Variants in TAB1 observed in about 807,000 individuals in gnomAD.
TAB1 encodes the protein TGF-beta activated kinase 1 (MAP3K7) binding protein 1, also known as TGF-beta-activated kinase 1 and MAP3K7-binding protein 1.
Under a neutral mutation model 54.5 loss-of-function variants are expected in TAB1, and 30 were observed. That is an observed-to-expected ratio of 0.55 (90% CI 0.41 to 0.75). TAB1 has a LOEUF of 0.75. Ranked by LOEUF, TAB1 falls within the 30% of genes least tolerant of loss-of-function variation. TAB1 has a pLI of 0.00. For missense variants in TAB1, 609 were observed against 683.2 expected, an observed-to-expected ratio of 0.89 and a Z score of 1.21; for synonymous variants, 289 against 286.9, an observed-to-expected ratio of 1.01 and a Z score of -0.07.
intron 1 of TAB1, among the ~76,000 whole-genome samples, chr22:39,402,491 AC>A (rs1228679351): frequency 1.3e-5 from 2 of 152,098 alleles, no homozygotes; most frequent in Non-Finnish European, 2.9e-5. Flanking sequence ...TTGGTAGATC[AC>A]TTGGTGGGAG....
chr22:39,408,088 A>G (rs970845738), intron 1 of TAB1, among the ~76,000 whole-genome samples: 18 of 152,368 alleles, frequency 1.2e-4, no homozygotes, highest in African/African-American at 3.8e-4. Context: ...ACTAGTGTCC[A>G]TACTTACTGA....
rs148041770 is a variant in TAB1, at chr22:39,426,654, C to A, written c.922-49C>A. 129 of 1,522,050 alleles carry A rather than the reference C, an allele frequency of 8.5e-5. 1 individual carries two copies. In the East Asian group the frequency reaches 2.9e-3, roughly 34 times the overall value. 94.3% of individuals were successfully genotyped at this position (1,522,050 alleles called of 1,614,324 possible). On this transcript the variant is annotated intron_variant, in intron 8 of 10. Coordinates refer to ENST00000216160, the MANE Select transcript of TAB1 (RefSeq NM_006116.3). ...GCTCCAAGATTATGGCCCATGCCCCCCAGGCCGCACCTCGTTCCTTACCAG... is the reference window on the plus strand; with the variant it reads ...GCTCCAAGATTATGGCCCATGCCCCACAGGCCGCACCTCGTTCCTTACCAG...
At position 39,430,041 on chromosome 22, in the gene TAB1, C is replaced by G; in HGVS notation, c.1334C>G (p.Ser445Cys). 1 of 1,613,840 alleles carries G rather than the reference C, an allele frequency of 6.2e-7. No individual in the cohort carries two copies. The highest frequency in any genetic ancestry group is 8.5e-7 in the Non-Finnish European group (1 of 1,180,038). ...TNQSPTLTLQ[S>C]TNTHTQSSSS... is the part of the protein sequence containing the mutation. ...CAAAGCCCGACCTTAACCCTGCAGTCCACCAACACGCACACGCAGAGCAGC... is the reference window on the plus strand; with the variant it reads ...CAAAGCCCGACCTTAACCCTGCAGTGCACCAACACGCACACGCAGAGCAGC... The change falls in exon 11 of 11, where the codon TCC becomes TGC. Residue 445 changes from serine (S) to cysteine (C), a missense_variant. Transcript: ENST00000216160.
downstream of TAB1, among the ~76,000 whole-genome samples, chr22:39,435,818 G>A (rs1006291203): frequency 6.6e-6 from 1 of 152,082 alleles, no homozygotes; most frequent in Non-Finnish European, 1.5e-5. Flanking sequence ...TAGGAGGTGG[G>A]GCTGACAGCC....
chr22:39,436,482 A>AT (rs773788030), downstream of TAB1: 5 of 1,612,148 alleles, frequency 3.1e-6, no homozygotes, highest in Non-Finnish European at 4.2e-6. Flanking sequence ...TTTCCTCCTG[A>AT]TTTTCAGAGA....
At chr22:39,433,111 G>A, downstream of TAB1, 12 of 985,306 alleles carry the variant, frequency 1.2e-5, no homozygotes, top group Non-Finnish European at 1.4e-5. Context: ...GGATCAGATG[G>A]AACCAGAGAA....
chr22:39,417,191 A>T (rs559132546), intron 4 of TAB1, among the ~76,000 whole-genome samples: 1 of 152,222 alleles, frequency 6.6e-6, no homozygotes, highest in East Asian at 1.9e-4. Flanking sequence ...TGCAGCGCTT[A>T]CCTCTGTGCT....
At chr22:39,403,484 A>G (rs1387010579) in intron 1 of TAB1, among the ~76,000 whole-genome samples, 2 of 152,090 alleles carry the variant, frequency 1.3e-5, no homozygotes, top group Non-Finnish European at 2.9e-5. Flanking sequence ...GGAGCTTGGG[A>G]GTAGCTGAGG....
At position 39,411,226 on chromosome 22, in the gene TAB1, C is replaced by T. The variant is rs117420954; in HGVS notation, c.34-3780C>T. On this transcript the variant is annotated intron_variant, in intron 1 of 10. Transcript: ENST00000216160. ...ACTTTTAGAAAAAAACATAGGTGCT[C>T]TTTGTAACTTGGGACTGGACAGAGA... Among the ~76,000 whole-genome samples, 263 of 152,270 alleles carry T rather than the reference C, an allele frequency of 1.7e-3. 6 individuals carry two copies. In the East Asian group the frequency reaches 0.043, roughly 25 times the overall value.
intron 7 of TAB1, among the ~76,000 whole-genome samples, chr22:39,421,365 C>T (rs1340193331): frequency 6.6e-6 from 1 of 152,214 alleles, no homozygotes; most frequent in Non-Finnish European, 1.5e-5. Context: ...TGTGCACACA[C>T]ATGTGTTGGC....
At chr22:39,411,009 A>C (rs1324306494) in intron 1 of TAB1, among the ~76,000 whole-genome samples, 2 of 152,226 alleles carry the variant, frequency 1.3e-5, no homozygotes, top group Admixed American at 6.5e-5. Flanking sequence ...CACATCGATC[A>C]CAGGAACAGA....
chr22:39,413,616 G>A (rs1236596827), intron 1 of TAB1, among the ~76,000 whole-genome samples: 1 of 152,044 alleles, frequency 6.6e-6, no homozygotes, highest in African/African-American at 2.4e-5. Context: ...ACAGAGATGG[G>A]GTTTCACCAG....
rs1927522592 is a variant in TAB1, at chr22:39,430,146, C to T, written c.1439C>T (p.Pro480Leu). The change falls in exon 11 of 11, where the codon CCC becomes CTC. Residue 480 changes from proline (P) to leucine (L), a missense_variant. Pro to Leu is a moderately conservative substitution (Grantham distance 98, BLOSUM62 -3). Transcript: ENST00000216160. ...LPPGEDGRVE[P>L]YVDFAEFYRL... ...CCTGGCGAGGACGGTCGTGTTGAGC[C>T]CTATGTGGACTTTGCTGAGTTTTAC... The T allele has an allele frequency of 6.2e-7, 1 of 1,613,888 alleles. No homozygotes were observed. The highest frequency in any genetic ancestry group is 1.3e-5 in the African/African-American group (1 of 74,942).
Position 39,402,753 on chromosome 22 carries a change from C to T in TAB1, c.33+2918C>T, listed in dbSNP as rs558061537. On this transcript the variant is annotated intron_variant, in intron 1 of 10. Coordinates refer to ENST00000216160, the MANE Select transcript of TAB1 (RefSeq NM_006116.3). ...TTTTAGTAGAGACAGGGTTTCACCA[C>T]GTTGCCTAGGCTGGTCATGAACTCC... 6.6e-5 allele frequency among the ~76,000 whole-genome samples: 10 copies of T among 152,036 alleles called. No individual in the cohort carries two copies. In the South Asian group the frequency reaches 1.7e-3, roughly 25 times the overall value.
chr22:39,407,415 C>G (rs191307778), intron 1 of TAB1, among the ~76,000 whole-genome samples: 44 of 152,142 alleles, frequency 2.9e-4, no homozygotes, highest in African/African-American at 1.1e-3. Context: ...ACTGCCTGGG[C>G]TAACACCTCC....
At chr22:39,400,668 G>T (rs562797250) in intron 1 of TAB1, among the ~76,000 whole-genome samples, 1 of 152,228 alleles carries the variant, frequency 6.6e-6, no homozygotes, top group Non-Finnish European at 1.5e-5. Flanking sequence ...CCAGGGTAGG[G>T]TGCTGGCCTC....
At chr22:39,403,700 G>A (rs957372289) in intron 1 of TAB1, among the ~76,000 whole-genome samples, 10 of 149,610 alleles carry the variant, frequency 6.7e-5, no homozygotes, top group South Asian at 2.1e-4. Flanking sequence ...GTGCAGTGGC[G>A]CAATCTCAGC....
At chr22:39,427,519 C>G (rs1011387548) in intron 9 of TAB1, among the ~76,000 whole-genome samples, 11 of 152,246 alleles carry the variant, frequency 7.2e-5, no homozygotes, top group African/African-American at 2.7e-4. Flanking sequence ...CCCAGTGCTG[C>G]TCAGCACTAA....
chr22:39,420,270 G>A (rs1033052904), intron 7 of TAB1, among the ~76,000 whole-genome samples: 3 of 152,212 alleles, frequency 2.0e-5, no homozygotes, highest in African/African-American at 7.2e-5. Flanking sequence ...CACCCCAGAG[G>A]CATTTTCATA....
Sources: allele counts gnomAD v4.1 joint callset (sites outside exome capture counted in the v4.1 genomes callset), GRCh38; gene constraint gnomAD v4.1.1; transcripts MANE v1.5; gene names NCBI Gene and HGNC (gene_info 2026-07-23, HGNC 2026-07-21).